The following SLC22A3 variants were observed in gnomAD, a reference collection of about 807,000 sequenced individuals.
SLC22A3 encodes the protein EMT organic cation transporter 3.
In SLC22A3, 51 loss-of-function variants were observed where a neutral mutation model predicts 59.1. That is an observed-to-expected ratio of 0.86 (90% CI 0.69 to 1.09). The LOEUF (loss-of-function observed/expected upper bound fraction) is 1.09, where lower values mean the gene tolerates loss of function less well. Among genes scored for constraint, SLC22A3 ranks in the 50% least tolerant of loss-of-function variants. SLC22A3 has a pLI of 0.00. For missense variants in SLC22A3, 711 were observed against 726.3 expected (o/e 0.98, Z 0.24); for synonymous variants, 325 against 292.0 (o/e 1.11, Z -1.15).
At chr6:160,365,635 G>C (rs1159995443) in intron 1 of SLC22A3, among the ~76,000 whole-genome samples, 1 of 152,040 alleles carries the variant, frequency 6.6e-6, no homozygotes, top group South Asian at 2.1e-4. Flanking sequence ...CCTTACACTT[G>C]AACAAAAAAT....
chr6:160,385,700 G>A (rs111566795), intron 1 of SLC22A3, among the ~76,000 whole-genome samples: 3,703 of 152,256 alleles, frequency 0.024, 150 homozygotes, highest in Middle Eastern at 0.11. Context: ...GGAGCTGTTA[G>A]TGAAGGGGAA....
At chr6:160,428,676 C>A (rs1232199376) in intron 5 of SLC22A3, among the ~76,000 whole-genome samples, 1 of 152,148 alleles carries the variant, frequency 6.6e-6, no homozygotes. Flanking sequence ...TAAATGTACT[C>A]GTGTGGCTCA....
intron 2 of SLC22A3, among the ~76,000 whole-genome samples, chr6:160,400,984 G>GAAAAAAAAAAAAAAAAAA (rs58532600): frequency 1.3e-5 from 1 of 78,558 alleles, no homozygotes; most frequent in Non-Finnish European, 2.3e-5. Flanking sequence ...CTCCAAAACT[G>GAAAAAAAAAAAAAAAAAA]AAAAAAAAAA....
chr6:160,451,042 CG>C lies in SLC22A3; in HGVS notation c.1658del (p.Arg553ProfsTer19). Reference protein sequence around the residue: ...CGRNKKTPVSRSHL With the variant: ...CGRNKKTPVSXSHL ...CAGGAATAAGAAAACCCCAGTTTCC[CG>C]CTCTCACCTTTGAGGCCCCCGACAA... On this transcript the variant is annotated frameshift_variant, in exon 11 of 11. Coordinates refer to ENST00000275300, the MANE Select transcript of SLC22A3 (RefSeq NM_021977.4). LOFTEE classifies it high-confidence loss of function. The C allele has an allele frequency of 1.9e-6, 3 of 1,594,128 alleles. No individual in the cohort carries two copies. In the South Asian group the frequency reaches 3.4e-5, roughly 18 times the overall value.
intron 1 of SLC22A3, among the ~76,000 whole-genome samples, chr6:160,393,263 A>G (rs1195500453): frequency 2.6e-5 from 4 of 151,200 alleles, no homozygotes; most frequent in Non-Finnish European, 4.4e-5. Context: ...TCCTGAGTTT[A>G]TTTATTTATT....
At chr6:160,409,172 T>TC (rs1301190421) in intron 4 of SLC22A3, among the ~76,000 whole-genome samples, 1 of 89,668 alleles carries the variant, frequency 1.1e-5, no homozygotes, top group African/African-American at 4.6e-5. Flanking sequence ...CCCTCCCCCC[T>TC]CCCCCGACCC....
intron 4 of SLC22A3, 67 bp downstream of exon 4, chr6:160,408,988 G>A (rs2114856200): frequency 2.6e-6 from 3 of 1,174,606 alleles, no homozygotes; most frequent in East Asian, 2.5e-5. Flanking sequence ...AAACAGACAT[G>A]AAAATGAAAG....
rs112865990 is a variant in SLC22A3 at position 160,349,124 on chromosome 6, A to T, written c.429+276A>T. The stretch of plus-strand genomic sequence containing the variant: ...AAAACTTTCTTCGAAGCCGAGTTGT[A>T]AACGCCTGGCGCACGCCTGCTCAGG... On this transcript the variant is annotated intron_variant, in intron 1 of 10. Coordinates refer to ENST00000275300, the MANE Select transcript of SLC22A3 (RefSeq NM_021977.4). 1.5e-4 allele frequency: 142 copies of T among 955,026 alleles called. No homozygotes were observed. The African/African-American group carries it at 2.2e-3, about 15-fold the overall frequency. The allele number at this position is 955,026 out of a possible 1,614,324, so 59.2% of individuals were successfully genotyped here.
At chr6:160,401,088 A>G (rs1562485539) in intron 2 of SLC22A3, among the ~76,000 whole-genome samples, 1 of 151,790 alleles carries the variant, frequency 6.6e-6, no homozygotes, top group East Asian at 1.9e-4. Flanking sequence ...GATATAATAT[A>G]TGTGTAATAG....
At chr6:160,361,012 C>T (rs547422317) in intron 1 of SLC22A3, among the ~76,000 whole-genome samples, 19 of 152,194 alleles carry the variant, frequency 1.2e-4, no homozygotes, top group African/African-American at 4.6e-4. Flanking sequence ...AGTGAAATTC[C>T]AAGCCAAAGT....
rs1554265284 is a variant in SLC22A3, at chr6:160,348,387, C to CGCGGGCT, written c.-26_-20dup. 3.5e-6 allele frequency: 5 copies of CGCGGGCT among 1,427,314 alleles called. No homozygotes were observed. Among genetic ancestry groups the CGCGGGCT allele is most frequent in the South Asian group, 3.1e-5 (2 of 65,476 alleles). The allele number at this position is 1,427,314 out of a possible 1,614,324, so 88.4% of individuals were successfully genotyped here. A position where few individuals can be genotyped will look rare whatever the true frequency, so the allele number is the denominator to read the frequency against. ...GCTGGGTCCGCGGGTCACTCCGAGGCGCGGGCTGCGGGCGGCGGGCGGCGG... is the reference window on the plus strand; with the variant it reads ...GCTGGGTCCGCGGGTCACTCCGAGGCGCGGGCTGCGGGCTGCGGGCGGCGGGCGGCGG... On this transcript the variant is annotated 5_prime_UTR_variant, in exon 1 of 11. Coordinates refer to ENST00000275300, the MANE Select transcript of SLC22A3 (RefSeq NM_021977.4).
At chr6:160,374,330 G>A (rs1209079125) in intron 1 of SLC22A3, among the ~76,000 whole-genome samples, 1 of 152,160 alleles carries the variant, frequency 6.6e-6, no homozygotes, top group Non-Finnish European at 1.5e-5. Context: ...CCCTCTGTGG[G>A]CTGCACCCAC....
intron 4 of SLC22A3, 48 bp from the exon 5 acceptor site, chr6:160,410,681 C>T (rs756205988): frequency 3.5e-6 from 4 of 1,140,456 alleles, no homozygotes; most frequent in Middle Eastern, 2.0e-4. Context: ...TAGATTTTAG[C>T]GTTTGAAATT....
chr6:160,375,986 T>C (rs1253436455), intron 1 of SLC22A3, among the ~76,000 whole-genome samples: 1 of 152,116 alleles, frequency 6.6e-6, no homozygotes, highest in African/African-American at 2.4e-5. Flanking sequence ...CTCACAGTAT[T>C]GTTGGGAGGA....
chr6:160,430,433 C>T (rs1227530457), intron 5 of SLC22A3, among the ~76,000 whole-genome samples: 2 of 151,498 alleles, frequency 1.3e-5, no homozygotes, highest in Non-Finnish European at 2.9e-5. Flanking sequence ...TTTATAATGT[C>T]TTTCTCTTCT....
At position 160,390,359 on chromosome 6, in the gene SLC22A3, G is replaced by T. The variant is rs148041455; in HGVS notation, c.430-7620G>T. ...GCCACAACTCCACAGCCAAGGCACT[G>T]GCCTCATTCCCCAGGGAGCTCTGCA... On this transcript the variant is annotated intron_variant, in intron 1 of 10. Coordinates refer to ENST00000275300, the MANE Select transcript of SLC22A3 (RefSeq NM_021977.4). 4.6e-3 allele frequency among the ~76,000 whole-genome samples: 704 copies of T among 152,274 alleles called. 3 individuals are homozygous for T. Among genetic ancestry groups the T allele is most frequent in the African/African-American group, 0.016 (679 of 41,550 alleles).
intron 1 of SLC22A3, among the ~76,000 whole-genome samples, chr6:160,370,338 C>G (rs3127574): frequency 0.47 from 72,138 of 152,120 alleles, 17,321 homozygotes; most frequent in East Asian, 0.56. Context: ...AGTCTCCCTC[C>G]TCAAGGACAT....
chr6:160,403,767 A>G (rs73590820), intron 2 of SLC22A3, among the ~76,000 whole-genome samples: 4,094 of 52,482 alleles, frequency 0.078, 173 homozygotes, highest in African/African-American at 0.35. Context: ...TCTAAAGTCA[A>G]TTAATGTCAT....
intron 1 of SLC22A3, among the ~76,000 whole-genome samples, chr6:160,362,578 C>G (rs928794276): frequency 2.0e-5 from 3 of 152,174 alleles, no homozygotes; most frequent in Non-Finnish European, 2.9e-5. Flanking sequence ...GGCGTGGGAG[C>G]TGTTTCATGC....
Sources: gnomAD v4.1 joint callset for allele counts (sites outside exome capture counted in the v4.1 genomes callset) on GRCh38, gnomAD v4.1.1 for gene constraint, MANE v1.5 for transcripts, NCBI Gene and HGNC (gene_info 2026-07-23, HGNC 2026-07-21) for gene names.